USP48: variants seen among roughly 807,000 people sequenced by gnomAD.
USP48 encodes ubiquitin specific peptidase 48, also known as ubiquitin carboxyl-terminal hydrolase 48.
Under a neutral mutation model 150.7 loss-of-function variants are expected in USP48, and 43 were observed. The observed-to-expected ratio is 0.29, with a 90% CI of 0.22 to 0.37. USP48 has a LOEUF of 0.37. USP48 is among the 10% of genes least tolerant of loss of function. The pLI is 1.00. For missense variants in USP48, 813 were observed against 1,249.6 expected (o/e 0.65, Z 5.27); for synonymous variants, 396 against 425.9 (o/e 0.93, Z 0.86).
intron 24 of USP48, among the ~76,000 whole-genome samples, chr1:21,688,792 G>A (rs1436369503): frequency 5.0e-5 from 7 of 140,600 alleles, no homozygotes; most frequent in Non-Finnish European, 6.0e-5. Flanking sequence ...GCAGTGAGCC[G>A]AGATTGTGCC....
intron 21 of USP48, among the ~76,000 whole-genome samples, chr1:21,702,038 A>T (rs1021900011): frequency 6.6e-6 from 1 of 152,224 alleles, no homozygotes; most frequent in Non-Finnish European, 1.5e-5. Context: ...GCTCTCTTGC[A>T]AACACTATGA....
chr1:21,733,075 C>T (rs1290356879), intron 9 of USP48, among the ~76,000 whole-genome samples: 1 of 152,050 alleles, frequency 6.6e-6, no homozygotes, highest in East Asian at 1.9e-4. Flanking sequence ...AATTAAAATA[C>T]CAGGAACATG....
intron 22 of USP48, among the ~76,000 whole-genome samples, chr1:21,698,512 T>G (rs1014245504): frequency 5.3e-5 from 8 of 152,190 alleles, no homozygotes; most frequent in African/African-American, 1.9e-4. Context: ...AAAGTTAGCT[T>G]TCTAAAATCT....
Position 21,767,759 on chromosome 1 carries a change from A to G in USP48, c.135-9976T>C, listed in dbSNP as rs1480338644. 3.3e-5 allele frequency among the ~76,000 whole-genome samples: 5 copies of G among 152,190 alleles called. No homozygotes were observed. The South Asian group carries it at 6.2e-4, about 19-fold the overall frequency. ...AGGAAACTAGTTTACTTAAAACACT[A>G]AAGTACAGATTTTCCTGAAAGTGAA... On this transcript the variant is annotated intron_variant, in intron 1 of 26. Coordinates refer to ENST00000308271, the MANE Select transcript of USP48 (RefSeq NM_032236.8).
chr1:21,706,877 A>T lies in USP48; in HGVS notation c.1964-9T>A. The T allele has an allele frequency of 1.9e-6, 3 of 1,577,660 alleles. No homozygotes were observed. Among genetic ancestry groups the T allele is most frequent in the African/African-American group, 1.4e-5 (1 of 71,418 alleles). On this transcript the variant is annotated splice_polypyrimidine_tract_variant and intron_variant, in intron 15 of 26. Transcript: ENST00000308271. ...AGATATGCATAACTCACCTGAGTTTAAAAAAATATATTTGGAAAAAAAAAA... is the reference window on the plus strand; with the variant it reads ...AGATATGCATAACTCACCTGAGTTTTAAAAAATATATTTGGAAAAAAAAAA...
chr1:21,684,547 TTTAATATAGTCCA>T (rs2097575614), intron 25 of USP48, among the ~76,000 whole-genome samples: 1 of 152,236 alleles, frequency 6.6e-6, no homozygotes, highest in Non-Finnish European at 1.5e-5. Context: ...AGCTTTTTAG[TTTAATATAGTCCA>T]TTTGGTTATT....
At chr1:21,682,006 C>T (rs949863148) in intron 25 of USP48, among the ~76,000 whole-genome samples, 25 of 152,202 alleles carry the variant, frequency 1.6e-4, no homozygotes, top group African/African-American at 5.5e-4. Flanking sequence ...AGTTCTGAGA[C>T]TTCCCTTCAC....
At chr1:21,714,711 T>A (rs2097699666) in intron 15 of USP48, among the ~76,000 whole-genome samples, 1 of 152,222 alleles carries the variant, frequency 6.6e-6, no homozygotes, top group African/African-American at 2.4e-5. Flanking sequence ...TAAAAGCTAC[T>A]TGTTAGAAGT....
intron 8 of USP48, among the ~76,000 whole-genome samples, chr1:21,743,816 T>C (rs2097787563): frequency 6.6e-6 from 1 of 152,104 alleles, no homozygotes; most frequent in Admixed American, 6.5e-5. Context: ...TTTAGGAATA[T>C]GATATATTTC....
chr1:21,683,782 C>T (rs2097573288), intron 25 of USP48, among the ~76,000 whole-genome samples: 1 of 152,096 alleles, frequency 6.6e-6, no homozygotes, highest in Admixed American at 6.6e-5. Context: ...CATTAACCAA[C>T]CTCCCTTCAT....
chr1:21,703,470 C>G, intron 21 of USP48, 42 bp downstream of exon 21: 1 of 1,502,738 alleles, frequency 6.7e-7, no homozygotes, highest in Non-Finnish European at 9.2e-7. Flanking sequence ...CCAAAGAGCA[C>G]GCTTGATCAT....
chr1:21,702,061 A>G (rs2097658574), intron 21 of USP48, among the ~76,000 whole-genome samples: 1 of 152,234 alleles, frequency 6.6e-6, no homozygotes, highest in African/African-American at 2.4e-5. Context: ...TACTCTTATT[A>G]AACTGAATAA....
chr1:21,718,439 A>G (rs1368477011), intron 14 of USP48, among the ~76,000 whole-genome samples: 1 of 152,240 alleles, frequency 6.6e-6, no homozygotes. Flanking sequence ...AGGAGAATAG[A>G]GACATATTAC....
intron 23 of USP48, among the ~76,000 whole-genome samples, chr1:21,691,228 T>C (rs2097598812): frequency 6.7e-6 from 1 of 149,422 alleles, no homozygotes; most frequent in Admixed American, 6.7e-5. Flanking sequence ...GCCAGAGAAT[T>C]GCTTGAACCC....
At chr1:21,750,898 A>C (rs2097810723) in intron 6 of USP48, among the ~76,000 whole-genome samples, 1 of 151,964 alleles carries the variant, frequency 6.6e-6, no homozygotes, top group African/African-American at 2.4e-5. Flanking sequence ...AAAAAAAAAA[A>C]TTCAGCGAAA....
chr1:21,681,298 G>A (rs1372673479), intron 25 of USP48: 1 of 152,780 alleles, frequency 6.5e-6, no homozygotes, highest in Non-Finnish European at 1.5e-5. Flanking sequence ...GTCCAGCTCT[G>A]TCACCCAGAA....
chr1:21,783,101 G>T lies in USP48; in HGVS notation c.-144C>A. Reference sequence around the variant, plus strand: ...CAGCTGGCCAGTCAATCACCTGTGCGCGCCACTGCCGCCGCGCCCGCCCGC... The same window carrying T: ...CAGCTGGCCAGTCAATCACCTGTGCTCGCCACTGCCGCCGCGCCCGCCCGC... On this transcript the variant is annotated 5_prime_UTR_variant, in exon 1 of 27. Coordinates refer to ENST00000308271, the MANE Select transcript of USP48 (RefSeq NM_032236.8). 1 of 1,229,294 alleles carries T rather than the reference G, an allele frequency of 8.1e-7. No homozygotes were observed. The highest frequency in any genetic ancestry group is 1.0e-6 in the Non-Finnish European group (1 of 954,214). The allele number at this position is 1,229,294 out of a possible 1,614,324, so 76.1% of individuals were successfully genotyped here.
intron 11 of USP48, among the ~76,000 whole-genome samples, chr1:21,727,201 A>G (rs2097740452): frequency 6.6e-6 from 1 of 152,172 alleles, no homozygotes; most frequent in Non-Finnish European, 1.5e-5. Flanking sequence ...TGCATAACAA[A>G]AGACTTCTCT....
At chr1:21,736,396 G>T in intron 9 of USP48, 50 bp downstream of exon 9, 1 of 1,460,452 alleles carries the variant, frequency 6.8e-7, no homozygotes, top group Non-Finnish European at 9.3e-7. Context: ...AATATTTCTA[G>T]TAAAATAAAT....
Sources: allele counts gnomAD v4.1 joint callset (sites outside exome capture counted in the v4.1 genomes callset), GRCh38; gene constraint gnomAD v4.1.1; transcripts MANE v1.5; gene names NCBI Gene and HGNC (gene_info 2026-07-23, HGNC 2026-07-21).